The following PDE4D variants were observed in gnomAD, a reference collection of about 807,000 sequenced individuals.
PDE4D encodes 3',5'-cyclic-AMP phosphodiesterase 4D.
Under a neutral mutation model 87.4 loss-of-function variants are expected in PDE4D, and 24 were observed. The observed-to-expected ratio is 0.27, with a 90% CI of 0.20 to 0.39. The LOEUF (loss-of-function observed/expected upper bound fraction) is 0.39. Ranked by LOEUF, PDE4D falls within the 10% of genes least tolerant of loss-of-function variation. PDE4D has a pLI of 1.00. For synonymous variants in PDE4D, 384 were observed against 383.2 expected (o/e 1.00, Z -0.02); for missense variants, 714 against 1,041.0 (o/e 0.69, Z 4.32).
chr5:59,934,970 A>G (rs1375789240), intron 3 of PDE4D, among the ~76,000 whole-genome samples: 1 of 152,170 alleles, frequency 6.6e-6, no homozygotes, highest in Non-Finnish European at 1.5e-5. Flanking sequence ...AATTTATTCC[A>G]CCGTAAATAT....
intron 1 of PDE4D, among the ~76,000 whole-genome samples, chr5:59,553,566 C>T (rs976940379): frequency 2.9e-4 from 44 of 152,164 alleles, no homozygotes; most frequent in Non-Finnish European, 5.3e-4. Flanking sequence ...CACTCCTCAA[C>T]TTTCTCCATT....
At chr5:59,246,761 A>G (rs1758923102) in intron 1 of PDE4D, among the ~76,000 whole-genome samples, 1 of 152,184 alleles carries the variant, frequency 6.6e-6, no homozygotes, top group Non-Finnish European at 1.5e-5. Context: ...GTAAATATGC[A>G]ATCCAACTAT....
chr5:59,403,866 G>A lies in PDE4D; in HGVS notation c.456-187898C>T, dbSNP rs553373385. ...TGGGAGTTCTATTTTTAGCTTTTTC[G>A]AGGAACCTCCAAATTGTTCTCCGTA... is the stretch of plus-strand genomic sequence containing the variant. On this transcript the variant is annotated intron_variant, in intron 1 of 14. Coordinates refer to ENST00000340635, the MANE Select transcript of PDE4D (RefSeq NM_001104631.2). 1.4e-4 allele frequency among the ~76,000 whole-genome samples: 21 copies of A among 152,180 alleles called. No homozygotes were observed. The East Asian group carries it at 3.1e-3, about 22-fold the overall frequency.
intron 1 of PDE4D, among the ~76,000 whole-genome samples, chr5:60,328,155 C>A (rs1756975926): frequency 6.6e-6 from 1 of 152,134 alleles, no homozygotes; most frequent in Non-Finnish European, 1.5e-5. Flanking sequence ...GCTCTAGTCA[C>A]TGGGAGACTA....
intron 1 of PDE4D, among the ~76,000 whole-genome samples, chr5:59,801,727 A>G (rs1432289975): frequency 6.6e-6 from 1 of 152,228 alleles, no homozygotes; most frequent in East Asian, 1.9e-4. Context: ...CCTCAAAATC[A>G]GACGATTTGT....
chr5:59,607,860 C>T (rs1042564769), intron 1 of PDE4D, among the ~76,000 whole-genome samples: 4 of 152,048 alleles, frequency 2.6e-5, no homozygotes, highest in Non-Finnish European at 5.9e-5. Context: ...TGAATTAATC[C>T]AAGAGACATC....
chr5:59,153,793 C>A lies in PDE4D; in HGVS notation c.808+26802G>T, dbSNP rs138111550. Among the ~76,000 whole-genome samples, 669 of 150,982 alleles carry A rather than the reference C, an allele frequency of 4.4e-3. 12 individuals are homozygous for A. Among genetic ancestry groups the A allele is most frequent in the African/African-American group, 0.015 (635 of 41,150 alleles). ...TTGTTGTTTTTTTTTAATAAAGAGG[C>A]ATAGACCATAATTTTTAGAGCAATT... On this transcript the variant is annotated intron_variant, in intron 5 of 14. Transcript: ENST00000340635.
Position 59,750,330 on chromosome 5 carries a change from A to G in PDE4D, c.455+142838T>C, listed in dbSNP as rs967399487. 2.6e-5 allele frequency among the ~76,000 whole-genome samples: 4 copies of G among 152,098 alleles called. No individual in the cohort carries two copies. In the East Asian group the frequency reaches 7.8e-4, roughly 29 times the overall value. On this transcript the variant is annotated intron_variant, in intron 1 of 14. Coordinates refer to ENST00000340635, the MANE Select transcript of PDE4D (RefSeq NM_001104631.2). ...AATACATCACAGTCATCACCAAGGA[A>G]TGACCCAAGTCTTTACTACAGGCTC...
intron 1 of PDE4D, among the ~76,000 whole-genome samples, chr5:59,516,370 C>T (rs1811158478): frequency 6.6e-6 from 1 of 152,110 alleles, no homozygotes; most frequent in African/African-American, 2.4e-5. Context: ...AACACCACAC[C>T]ATCACCACTC....
At chr5:59,334,383 C>A (rs945649518) in intron 1 of PDE4D, among the ~76,000 whole-genome samples, 9 of 151,030 alleles carry the variant, frequency 6.0e-5, no homozygotes, top group Non-Finnish European at 1.2e-4. Context: ...CTCAGCCTCC[C>A]TAGTAGCTGG....
intron 1 of PDE4D, among the ~76,000 whole-genome samples, chr5:59,266,452 T>C (rs1037396136): frequency 7.4e-6 from 1 of 134,594 alleles, no homozygotes; most frequent in Non-Finnish European, 1.7e-5. Flanking sequence ...CTGTGGTCTC[T>C]TTTATTTCAA....
chr5:59,467,466 T>G (rs1801752468), intron 1 of PDE4D, among the ~76,000 whole-genome samples: 3 of 152,220 alleles, frequency 2.0e-5, no homozygotes, highest in Admixed American at 6.5e-5. Context: ...GGTAATGGTC[T>G]CTGAAACCTT....
At chr5:60,378,925 T>G (rs1761646002) in intron 1 of PDE4D, among the ~76,000 whole-genome samples, 1 of 152,120 alleles carries the variant, frequency 6.6e-6, no homozygotes, top group Non-Finnish European at 1.5e-5. Flanking sequence ...AAGCAGTATG[T>G]TGCTGACAAC....
rs3061702 is a variant in PDE4D, at chr5:59,392,503, CTATA to C, written c.456-176539_456-176536del. Among the ~76,000 whole-genome samples, 1,088 of 139,282 alleles carry C rather than the reference CTATA, an allele frequency of 7.8e-3. 24 individuals are homozygous for C. Among genetic ancestry groups the C allele is most frequent in the African/African-American group, 0.028 (1,033 of 37,050 alleles). The allele number at this position is 139,282 out of a possible 152,430, so 91.4% of individuals were successfully genotyped here. On this transcript the variant is annotated intron_variant, in intron 1 of 14. Coordinates refer to ENST00000340635, the MANE Select transcript of PDE4D (RefSeq NM_001104631.2). The stretch of plus-strand genomic sequence containing the variant: ...ACCCTTTATATATATGTGTGTGTGT[CTATA>C]TATATATATATATATATTCCATTAA...
At chr5:60,263,979 T>C (rs1749919092) in intron 1 of PDE4D, among the ~76,000 whole-genome samples, 1 of 150,662 alleles carries the variant, frequency 6.6e-6, no homozygotes, top group Non-Finnish European at 1.5e-5. Context: ...ACACTACATG[T>C]GAAAAAATAA....
chr5:59,966,894 G>A (rs910728131), intron 3 of PDE4D, among the ~76,000 whole-genome samples: 4 of 152,144 alleles, frequency 2.6e-5, no homozygotes, highest in Non-Finnish European at 4.4e-5. Flanking sequence ...GATTTTCACT[G>A]TATTTAAGAT....
intron 1 of PDE4D, chr5:59,356,827 G>C: frequency 2.6e-6 from 4 of 1,552,758 alleles, no homozygotes; most frequent in Non-Finnish European, 3.4e-6. Flanking sequence ...GGCTCCCAGA[G>C]GATCCCAAAC....
chr5:59,861,721 T>C (rs1252458130), intron 1 of PDE4D, among the ~76,000 whole-genome samples: 5 of 152,232 alleles, frequency 3.3e-5, no homozygotes, highest in African/African-American at 1.2e-4. Context: ...CCAAGGACTG[T>C]ATTTGGACAT....
intron 5 of PDE4D, among the ~76,000 whole-genome samples, chr5:59,170,675 G>A (rs1022121978): frequency 1.3e-5 from 2 of 151,988 alleles, no homozygotes; most frequent in African/African-American, 2.4e-5. Flanking sequence ...TGCCCACATG[G>A]CACTTTATTA....
Sources: allele counts gnomAD v4.1 joint callset (sites outside exome capture counted in the v4.1 genomes callset), GRCh38; gene constraint gnomAD v4.1.1; transcripts MANE v1.5; gene names NCBI Gene and HGNC (gene_info 2026-07-23, HGNC 2026-07-21).